HTR1F: variants seen among roughly 807,000 people sequenced by gnomAD.
HTR1F encodes the protein 5-hydroxytryptamine receptor 1F.
Under a neutral mutation model 24.0 loss-of-function variants are expected in HTR1F, and 17 were observed. The observed-to-expected ratio is 0.71, with a 90% CI of 0.48 to 1.06. HTR1F has a LOEUF of 1.06. Ranked by LOEUF, HTR1F falls within the 50% of genes least tolerant of loss-of-function variation. The pLI is 0.00. For missense variants in HTR1F, 391 were observed against 427.8 expected, an observed-to-expected ratio of 0.91 and a Z score of 0.76; for synonymous variants, 186 against 156.8, an observed-to-expected ratio of 1.19 and a Z score of -1.39.
At chr3:87,843,990 G>A (rs1432009302) in intron 2 of HTR1F, among the ~76,000 whole-genome samples, 6 of 150,592 alleles carry the variant, frequency 4.0e-5, no homozygotes, top group Admixed American at 6.6e-5. Flanking sequence ...ATAAACATAC[G>A]TGTGCATGTG....
At chr3:87,829,140 T>C (rs942706335) in intron 2 of HTR1F, among the ~76,000 whole-genome samples, 1 of 152,112 alleles carries the variant, frequency 6.6e-6, no homozygotes, top group Non-Finnish European at 1.5e-5. Context: ...TTGGGTTATC[T>C]TTATTTTACC....
At chr3:87,949,910 G>C (rs1357880042) in intron 2 of HTR1F, among the ~76,000 whole-genome samples, 1 of 152,160 alleles carries the variant, frequency 6.6e-6, no homozygotes, top group Non-Finnish European at 1.5e-5. Context: ...ACCTATAAAG[G>C]AAAGAGGTTT....
At chr3:87,844,646 G>T (rs1704895483) in intron 2 of HTR1F, among the ~76,000 whole-genome samples, 1 of 127,286 alleles carries the variant, frequency 7.9e-6, no homozygotes, top group African/African-American at 3.5e-5. Context: ...TTCTTCTAGG[G>T]TTTTTATGGT....
At chr3:87,857,019 T>C (rs2107220278) in intron 2 of HTR1F, among the ~76,000 whole-genome samples, 1 of 152,282 alleles carries the variant, frequency 6.6e-6, no homozygotes, top group East Asian at 1.9e-4. Flanking sequence ...CCAGACTTAT[T>C]AGTGTTTTCA....
chr3:87,947,760 T>A (rs1704742778), intron 2 of HTR1F, among the ~76,000 whole-genome samples: 1 of 148,860 alleles, frequency 6.7e-6, no homozygotes, highest in South Asian at 2.2e-4. Context: ...TGACACAAAG[T>A]AACTGCTCAA....
chr3:87,908,131 G>T (rs923299921), intron 2 of HTR1F, among the ~76,000 whole-genome samples: 1 of 151,930 alleles, frequency 6.6e-6, no homozygotes, highest in Non-Finnish European at 1.5e-5. Context: ...CCTATCTATT[G>T]AGAAGTTTCC....
intron 2 of HTR1F, among the ~76,000 whole-genome samples, chr3:87,856,932 C>T (rs898765497): frequency 6.6e-6 from 1 of 152,000 alleles, no homozygotes; most frequent in Non-Finnish European, 1.5e-5. Context: ...GCATTATTAG[C>T]AAAAATGACG....
At chr3:87,941,730 C>T (rs1704573681) in intron 2 of HTR1F, among the ~76,000 whole-genome samples, 1 of 152,054 alleles carries the variant, frequency 6.6e-6, no homozygotes, top group African/African-American at 2.4e-5. Context: ...CAGAAAAAGG[C>T]ATCTTTAAGG....
chr3:87,982,256 T>A (rs923247142), intron 2 of HTR1F, among the ~76,000 whole-genome samples: 1 of 152,228 alleles, frequency 6.6e-6, no homozygotes, highest in Admixed American at 6.5e-5. Flanking sequence ...GAGATATTTT[T>A]AAATATCTCA....
chr3:87,889,673 AT>A (rs751000963), intron 2 of HTR1F, among the ~76,000 whole-genome samples: 11 of 151,524 alleles, frequency 7.3e-5, no homozygotes, highest in East Asian at 5.8e-4. Context: ...ATAAAATTTG[AT>A]TTTTTTTTGT....
At position 87,930,098 on chromosome 3, in the gene HTR1F, T is replaced by C. The variant is rs530313534; in HGVS notation, c.-42-60610T>C. 7.9e-4 allele frequency among the ~76,000 whole-genome samples: 121 copies of C among 152,272 alleles called. 1 individual carries two copies. Among genetic ancestry groups the C allele is most frequent in the Non-Finnish European group, 1.3e-3 (87 of 68,008 alleles). On this transcript the variant is annotated intron_variant, in intron 2 of 2. Coordinates refer to ENST00000319595, the MANE Select transcript of HTR1F (RefSeq NM_001322209.2). ...TGGCTCTCAGCTTGGCTGTTGCTATTGTATAGGAATGCTAGTGATTTTTAG... is the reference window on the plus strand; with the variant it reads ...TGGCTCTCAGCTTGGCTGTTGCTATCGTATAGGAATGCTAGTGATTTTTAG...
At chr3:87,965,316 A>T (rs1341868474) in intron 2 of HTR1F, among the ~76,000 whole-genome samples, 1 of 152,204 alleles carries the variant, frequency 6.6e-6, no homozygotes, top group Non-Finnish European at 1.5e-5. Flanking sequence ...AGCGAGTAAT[A>T]TTCTACATTA....
intron 2 of HTR1F, among the ~76,000 whole-genome samples, chr3:87,886,036 A>T (rs1431233613): frequency 6.6e-6 from 1 of 152,192 alleles, no homozygotes; most frequent in Non-Finnish European, 1.5e-5. Context: ...AGACACGACA[A>T]AAAAAGACAA....
intron 2 of HTR1F, among the ~76,000 whole-genome samples, chr3:87,929,318 G>A (rs1219364419): frequency 6.6e-6 from 1 of 152,030 alleles, no homozygotes; most frequent in Non-Finnish European, 1.5e-5. Flanking sequence ...TCCGTTGCTG[G>A]CTCCACAGTA....
chr3:87,927,302 G>T (rs1704149039), intron 2 of HTR1F, among the ~76,000 whole-genome samples: 1 of 152,106 alleles, frequency 6.6e-6, no homozygotes, highest in Non-Finnish European at 1.5e-5. Flanking sequence ...TACCCTTAAT[G>T]TTGATCACAC....
At chr3:87,888,701 T>C (rs1163370733) in intron 2 of HTR1F, among the ~76,000 whole-genome samples, 4 of 152,208 alleles carry the variant, frequency 2.6e-5, no homozygotes, top group Non-Finnish European at 5.9e-5. Flanking sequence ...TCTTGATTCC[T>C]TGCTATCTAA....
In HTR1F at chr3:87,945,859, C is replaced by CG. The variant is rs150282952; in HGVS notation, c.-42-44842dup. On this transcript the variant is annotated intron_variant, in intron 2 of 2. Transcript: ENST00000319595. ...CCCTTCTTGGTCGCCAAAATGTTACCGGGGGGGTCCTTGCTCCCAGAGCTC... is the reference window on the plus strand; with the variant it reads ...CCCTTCTTGGTCGCCAAAATGTTACCGGGGGGGGTCCTTGCTCCCAGAGCTC... Among the ~76,000 whole-genome samples, 1,052 of 151,870 alleles carry CG rather than the reference C, an allele frequency of 6.9e-3. 7 individuals are homozygous for CG. The highest frequency in any genetic ancestry group is 0.024 in the African/African-American group (995 of 41,290).
chr3:87,933,709 A>G (rs567261683), intron 2 of HTR1F, among the ~76,000 whole-genome samples: 2 of 152,374 alleles, frequency 1.3e-5, no homozygotes, highest in South Asian at 4.1e-4. Context: ...AAAAGAGGAT[A>G]CAAAGAAATG....
chr3:87,810,417 T>A (rs533422903), intron 1 of HTR1F, among the ~76,000 whole-genome samples: 2 of 152,258 alleles, frequency 1.3e-5, no homozygotes, highest in Admixed American at 1.3e-4. Flanking sequence ...GTCGGCGTTT[T>A]TCCCAAAGTT....
Sources: gnomAD v4.1 joint callset for allele counts (sites outside exome capture counted in the v4.1 genomes callset) on GRCh38, gnomAD v4.1.1 for gene constraint, MANE v1.5 for transcripts, NCBI Gene and HGNC (gene_info 2026-07-23, HGNC 2026-07-21) for gene names.